DENND1A: variants seen among roughly 807,000 people sequenced by gnomAD.
DENND1A encodes DENN domain-containing protein 1A.
A neutral mutation model predicts 113.7 loss-of-function variants in DENND1A; 51 were observed. The observed-to-expected ratio is 0.45, with a 90% CI of 0.36 to 0.57. The LOEUF is 0.57. Ranked by LOEUF, DENND1A falls within the 20% of genes least tolerant of loss-of-function variation. The pLI, the probability that DENND1A is intolerant of heterozygous loss-of-function variation, is 0.00. For missense variants in DENND1A, 1,258 were observed against 1,395.9 expected, an observed-to-expected ratio of 0.90 and a Z score of 1.57; for synonymous variants, 565 against 570.8, an observed-to-expected ratio of 0.99 and a Z score of 0.14.
chr9:123,861,442 C>T (rs780144520), intron 2 of DENND1A, among the ~76,000 whole-genome samples: 16 of 152,150 alleles, frequency 1.1e-4, no homozygotes, highest in Non-Finnish European at 2.1e-4. Flanking sequence ...TCCTGCTTAG[C>T]GGCCTTCCCC....
At chr9:123,878,247 G>A (rs1238293024) in intron 2 of DENND1A, among the ~76,000 whole-genome samples, 2 of 151,834 alleles carry the variant, frequency 1.3e-5, no homozygotes, top group Admixed American at 1.3e-4. Flanking sequence ...TGTTTTTGTG[G>A]GTGGACCAAG....
rs575315512 is a variant in DENND1A, at chr9:123,420,251, C to T, written c.1489-8422G>A. Among the ~76,000 whole-genome samples the T allele has an allele frequency of 7.9e-5, 12 of 152,320 alleles. No individual in the cohort carries two copies. In the South Asian group the frequency reaches 2.1e-3, roughly 26 times the overall value. On this transcript the variant is annotated intron_variant, in intron 19 of 23. Coordinates refer to ENST00000394215, the MANE Select transcript of DENND1A (RefSeq NM_001352964.2). The stretch of plus-strand genomic sequence containing the variant: ...GGTCCTGGCGACTCTGAGACAGAGG[C>T]TCTATTATGATTGCCGCTCTGTAGA...
chr9:123,516,917 A>AAAG (rs1461799758), intron 13 of DENND1A, among the ~76,000 whole-genome samples: 2 of 127,026 alleles, frequency 1.6e-5, no homozygotes, highest in African/African-American at 2.9e-5. Context: ...AAAAAAAAAA[A>AAAG]AAGAACGGAC....
rs1419826590 is a variant in DENND1A, at chr9:123,763,775, GAGA to G, written c.182+5736_182+5738del. Among the ~76,000 whole-genome samples, 17 of 152,184 alleles carry G rather than the reference GAGA, an allele frequency of 1.1e-4. No homozygotes were observed. In the South Asian group the frequency reaches 3.1e-3, roughly 28 times the overall value. Reference sequence around the variant, plus strand: ...TCAACTGTATTGATGCATCAAAGATGAGAAGAAGAAAAAACAATGTCTACTGAA... The same window carrying G: ...TCAACTGTATTGATGCATCAAAGATGAGAAGAAAAAACAATGTCTACTGAA... On this transcript the variant is annotated intron_variant, in intron 4 of 23. Transcript: ENST00000394215.
chr9:123,769,392 G>A (rs1829358236), intron 4 of DENND1A, 122 bp downstream of exon 4: 2 of 861,356 alleles, frequency 2.3e-6, no homozygotes. Flanking sequence ...AACTCTCCTT[G>A]GAACACAGGT....
In DENND1A at chr9:123,384,557, G is replaced by A. The variant is rs533809705; in HGVS notation, c.1761-644C>T. On this transcript the variant is annotated intron_variant, in intron 22 of 23. Transcript: ENST00000394215. ...GCGGTGCCCGGCACACAGCAGACAC[G>A]CACGGGTTGGTTACAGCATCCATCG... Among the ~76,000 whole-genome samples, 9 of 152,312 alleles carry A rather than the reference G, an allele frequency of 5.9e-5. 1 individual carries two copies. Among genetic ancestry groups the A allele is most frequent in the African/African-American group, 2.2e-4 (9 of 41,560 alleles).
At chr9:123,557,794 T>C (rs1410894449) in intron 12 of DENND1A, 99 bp from the exon 13 acceptor site, 1 of 1,397,664 alleles carries the variant, frequency 7.2e-7, no homozygotes, top group South Asian at 1.4e-5. Flanking sequence ...ATCCTACGGA[T>C]GGCAGGATCC....
At chr9:123,669,777 C>T (rs1306907787) in intron 7 of DENND1A, among the ~76,000 whole-genome samples, 1 of 152,212 alleles carries the variant, frequency 6.6e-6, no homozygotes, top group Non-Finnish European at 1.5e-5. Flanking sequence ...GATGGTCTCC[C>T]CTGCCGTATG....
At chr9:123,624,471 C>T (rs771745567) in intron 10 of DENND1A, among the ~76,000 whole-genome samples, 2 of 152,200 alleles carry the variant, frequency 1.3e-5, no homozygotes, top group East Asian at 3.8e-4. Flanking sequence ...TTTCATCATT[C>T]TTACATCTTA....
intron 12 of DENND1A, among the ~76,000 whole-genome samples, chr9:123,567,401 A>AT (rs1428391419): frequency 6.6e-6 from 1 of 152,246 alleles, no homozygotes; most frequent in African/African-American, 2.4e-5. Flanking sequence ...AAGGAAACTT[A>AT]TATGTTTTTT....
chr9:123,415,639 C>T (rs143722044), intron 19 of DENND1A, among the ~76,000 whole-genome samples: 16 of 152,316 alleles, frequency 1.1e-4, no homozygotes, highest in East Asian at 3.9e-4. Flanking sequence ...CTGCTCCCAC[C>T]GCAGGGTCTC....
chr9:123,827,999 A>C (rs570889167), intron 2 of DENND1A, among the ~76,000 whole-genome samples: 4 of 152,210 alleles, frequency 2.6e-5, no homozygotes, highest in Non-Finnish European at 5.9e-5. Context: ...AAAATTACGA[A>C]GTAAACAGGG....
intron 5 of DENND1A, among the ~76,000 whole-genome samples, chr9:123,734,333 T>C (rs1277819312): frequency 6.6e-6 from 1 of 152,172 alleles, no homozygotes; most frequent in Non-Finnish European, 1.5e-5. Flanking sequence ...TGACTACTCA[T>C]TTACATAATA....
intron 3 of DENND1A, among the ~76,000 whole-genome samples, chr9:123,774,412 C>T (rs968661849): frequency 2.0e-5 from 3 of 152,100 alleles, no homozygotes; most frequent in Non-Finnish European, 4.4e-5. Flanking sequence ...AGCAGTTGTT[C>T]CTGGAAGCTT....
chr9:123,787,129 C>T (rs1293101133), intron 3 of DENND1A, among the ~76,000 whole-genome samples: 1 of 151,866 alleles, frequency 6.6e-6, no homozygotes, highest in Non-Finnish European at 1.5e-5. Context: ...ACATTTTATA[C>T]ACCACACTGC....
intron 13 of DENND1A, among the ~76,000 whole-genome samples, chr9:123,523,935 G>C (rs1490549976): frequency 6.6e-6 from 1 of 152,196 alleles, no homozygotes; most frequent in Non-Finnish European, 1.5e-5. Context: ...TCAACAACTA[G>C]AATCTCTCTA....
chr9:123,690,688 AAAAC>A (rs144272868), intron 5 of DENND1A, among the ~76,000 whole-genome samples: 12,210 of 152,190 alleles, frequency 0.08, 512 homozygotes, highest in Admixed American at 0.11. Context: ...CTTTCTTTAA[AAAAC>A]AAACAAACAG....
chr9:123,466,895 A>C (rs200446045), intron 13 of DENND1A, among the ~76,000 whole-genome samples: 1 of 123,106 alleles, frequency 8.1e-6, no homozygotes, highest in Non-Finnish European at 1.9e-5. Context: ...AAAAAAAAAA[A>C]AACTAGCCGG....
intron 9 of DENND1A, among the ~76,000 whole-genome samples, chr9:123,648,897 T>G (rs894846874): frequency 2.0e-5 from 3 of 152,204 alleles, no homozygotes; most frequent in East Asian, 1.9e-4. Context: ...CCACCTTTTA[T>G]AAAATAAAGA....
Sources: gnomAD v4.1 joint callset for allele counts (sites outside exome capture counted in the v4.1 genomes callset) on GRCh38, gnomAD v4.1.1 for gene constraint, MANE v1.5 for transcripts, NCBI Gene and HGNC (gene_info 2026-07-23, HGNC 2026-07-21) for gene names.